Variants in ZNF407 observed in about 807,000 individuals in gnomAD.
ZNF407 encodes the protein zinc finger protein 407.
A neutral mutation model predicts 131.2 loss-of-function variants in ZNF407; 17 were observed. The ratio of observed to expected loss-of-function variants is 0.13; its 90% CI spans 0.09 to 0.19. ZNF407 has a LOEUF of 0.19. Ranked by LOEUF, ZNF407 falls within the 10% of genes least tolerant of loss-of-function variation. The pLI is 1.00. For synonymous variants in ZNF407, 1,156 were observed against 1,062.0 expected, an observed-to-expected ratio of 1.09 and a Z score of -1.72; for missense variants, 2,681 against 2,830.6, an observed-to-expected ratio of 0.95 and a Z score of 1.20.
At chr18:74,627,213 C>T (rs947004535) in intron 1 of ZNF407, among the ~76,000 whole-genome samples, 8 of 152,152 alleles carry the variant, frequency 5.3e-5, no homozygotes, top group Non-Finnish European at 8.8e-5. Flanking sequence ...TGACCAGAAG[C>T]AGCTGCCCTG....
At chr18:74,630,507 G>C (rs1414371822) in intron 1 of ZNF407, among the ~76,000 whole-genome samples, 1 of 152,154 alleles carries the variant, frequency 6.6e-6, no homozygotes, top group Non-Finnish European at 1.5e-5. Context: ...CTTTTACATA[G>C]GACTTGGGCT....
intron 8 of ZNF407, among the ~76,000 whole-genome samples, chr18:74,964,069 A>C (rs767254839): frequency 6.6e-6 from 1 of 152,188 alleles, no homozygotes; most frequent in Middle Eastern, 3.2e-3. Context: ...TGAAACCTCT[A>C]TTGACCGCGC....
chr18:74,992,368 T>A (rs755202956), intron 8 of ZNF407, among the ~76,000 whole-genome samples: 16 of 151,944 alleles, frequency 1.1e-4, no homozygotes, highest in Admixed American at 3.9e-4. Context: ...GATTGGAAGG[T>A]CTGGGTAGGC....
intron 7 of ZNF407, among the ~76,000 whole-genome samples, chr18:74,918,421 G>A (rs1971801562): frequency 6.6e-6 from 1 of 152,230 alleles, no homozygotes; most frequent in African/African-American, 2.4e-5. Context: ...AGAGGGTCAT[G>A]CTTGCCTTCG....
intron 8 of ZNF407, among the ~76,000 whole-genome samples, chr18:74,938,471 T>C (rs4891203): frequency 0.13 from 20,045 of 152,204 alleles, 1,567 homozygotes; most frequent in Admixed American, 0.26. Flanking sequence ...CTTTGACACA[T>C]AGTGTACCCT....
intron 7 of ZNF407, among the ~76,000 whole-genome samples, chr18:74,890,838 G>A (rs904248948): frequency 2.0e-5 from 3 of 152,192 alleles, no homozygotes; most frequent in African/African-American, 2.4e-5. Context: ...CAGCCGTGGC[G>A]TAAAAAATGG....
At chr18:74,720,176 A>ATT (rs34064021) in intron 3 of ZNF407, among the ~76,000 whole-genome samples, 133 of 149,750 alleles carry the variant, frequency 8.9e-4, no homozygotes, top group African/African-American at 2.5e-3. Flanking sequence ...AGCATTTGCT[A>ATT]TTTTTTTTTT....
chr18:74,720,674 G>A (rs556942371), intron 3 of ZNF407, among the ~76,000 whole-genome samples: 5 of 152,228 alleles, frequency 3.3e-5, no homozygotes, highest in Admixed American at 3.3e-4. Flanking sequence ...GTTGATTTTT[G>A]TGTAGGGTTA....
chr18:75,012,872 T>C (rs1039281175), intron 8 of ZNF407, among the ~76,000 whole-genome samples: 1 of 151,866 alleles, frequency 6.6e-6, no homozygotes, highest in African/African-American at 2.4e-5. Context: ...ACTGGCTCCT[T>C]AGAGAGGTTT....
At chr18:74,921,163 C>A in intron 8 of ZNF407, 1 of 367,674 alleles carries the variant, frequency 2.7e-6, no homozygotes, top group Non-Finnish European at 3.8e-6. Context: ...GGTAACGGTG[C>A]TGTGCGTTTC....
chr18:74,926,529 C>T (rs758562041), intron 8 of ZNF407, among the ~76,000 whole-genome samples: 3 of 152,160 alleles, frequency 2.0e-5, no homozygotes, highest in Admixed American at 6.5e-5. Context: ...TACAACCAGG[C>T]GTGGTGGCTC....
At chr18:74,852,578 C>G (rs985425727) in intron 4 of ZNF407, among the ~76,000 whole-genome samples, 5 of 152,086 alleles carry the variant, frequency 3.3e-5, no homozygotes, top group African/African-American at 1.2e-4. Context: ...TTTAGAGTAT[C>G]TGGTAGAGTT....
chr18:75,025,713 T>C (rs1332199639), intron 8 of ZNF407, among the ~76,000 whole-genome samples: 1 of 152,224 alleles, frequency 6.6e-6, no homozygotes. Flanking sequence ...AATTGGCTTC[T>C]CCTAATGCTA....
intron 8 of ZNF407, among the ~76,000 whole-genome samples, chr18:74,959,022 T>A (rs998595296): frequency 1.3e-5 from 2 of 152,242 alleles, no homozygotes; most frequent in Non-Finnish European, 2.9e-5. Context: ...TATTTTGTTC[T>A]TCATTACATT....
intron 3 of ZNF407, among the ~76,000 whole-genome samples, chr18:74,738,107 T>C (rs1968459390): frequency 6.6e-6 from 1 of 152,120 alleles, no homozygotes; most frequent in Non-Finnish European, 1.5e-5. Flanking sequence ...CTGTCTTTTC[T>C]ATATTCACTG....
chr18:74,931,622 G>A (rs1008341923), intron 8 of ZNF407, among the ~76,000 whole-genome samples: 1 of 151,972 alleles, frequency 6.6e-6, no homozygotes, highest in South Asian at 2.1e-4. Flanking sequence ...ACCTAGAAAC[G>A]AGATGCCTGG....
intron 7 of ZNF407, chr18:74,897,917 A>C (rs1971474437): frequency 6.6e-6 from 1 of 152,228 alleles, no homozygotes; most frequent in South Asian, 2.1e-4. Context: ...ACGACAGAAT[A>C]ACTTTGAAGT....
At chr18:74,684,614 G>C (rs748302841) in intron 3 of ZNF407, among the ~76,000 whole-genome samples, 20 of 152,156 alleles carry the variant, frequency 1.3e-4, no homozygotes, top group Non-Finnish European at 2.4e-4. Context: ...ACTGTAAACC[G>C]AATTATTTGC....
chr18:74,656,028 T>A (rs1248004935), intron 3 of ZNF407, among the ~76,000 whole-genome samples: 2 of 152,102 alleles, frequency 1.3e-5, no homozygotes, highest in Admixed American at 6.5e-5. Flanking sequence ...TGTATAAAAA[T>A]TTTATAATTT....
Sources: allele counts gnomAD v4.1 joint callset (sites outside exome capture counted in the v4.1 genomes callset), GRCh38; gene constraint gnomAD v4.1.1; transcripts MANE v1.5; gene names NCBI Gene and HGNC (gene_info 2026-07-23, HGNC 2026-07-21).